EPS15: variants seen among roughly 807,000 people sequenced by gnomAD.
The protein encoded by EPS15 is epidermal growth factor receptor pathway substrate 15.
A neutral mutation model predicts 113.8 loss-of-function variants in EPS15; 72 were observed. That is an observed-to-expected ratio of 0.63 (90% confidence interval 0.52 to 0.77). The LOEUF is 0.77. Among genes scored for constraint, EPS15 ranks in the 30% least tolerant of loss-of-function variants. The pLI is 0.00. For synonymous variants in EPS15, 344 were observed against 363.4 expected (o/e 0.95, Z 0.61); for missense variants, 1,048 against 1,045.8 (o/e 1.00, Z -0.03).
intron 2 of EPS15, among the ~76,000 whole-genome samples, chr1:51,479,173 T>C (rs536587563): frequency 2.4e-4 from 37 of 152,352 alleles, no homozygotes; most frequent in African/African-American, 8.4e-4. Context: ...CTCTTTTTTC[T>C]CTAAACTTCT....
At chr1:51,359,516 T>C (rs1019022718) in intron 24 of EPS15, among the ~76,000 whole-genome samples, 1 of 150,926 alleles carries the variant, frequency 6.6e-6, no homozygotes, top group African/African-American at 2.4e-5. Flanking sequence ...TCCCAACACT[T>C]TGAGAGGCTG....
At chr1:51,407,353 A>G (rs1212422955) in intron 15 of EPS15, among the ~76,000 whole-genome samples, 1 of 152,110 alleles carries the variant, frequency 6.6e-6, no homozygotes, top group African/African-American at 2.4e-5. Flanking sequence ...AGGTACCACC[A>G]TGCCCAGTTA....
intron 12 of EPS15, among the ~76,000 whole-genome samples, chr1:51,432,969 A>C (rs1292380795): frequency 6.6e-6 from 1 of 152,238 alleles, no homozygotes; most frequent in East Asian, 1.9e-4. Flanking sequence ...ATCATAAGCA[A>C]AAGAGCTCCA....
chr1:51,446,174 CA>C (rs1354237773), intron 10 of EPS15, among the ~76,000 whole-genome samples: 1 of 152,150 alleles, frequency 6.6e-6, no homozygotes, highest in Non-Finnish European at 1.5e-5. Context: ...TGGCGGCAGA[CA>C]AACTATAAAG....
intron 24 of EPS15, among the ~76,000 whole-genome samples, chr1:51,358,230 G>T (rs986173871): frequency 5.3e-5 from 8 of 152,112 alleles, no homozygotes; most frequent in Non-Finnish European, 1.0e-4. Flanking sequence ...AGTTGAGGCT[G>T]CAGTGAGCTG....
At chr1:51,495,447 A>G (rs1644309283) in intron 1 of EPS15, among the ~76,000 whole-genome samples, 1 of 151,958 alleles carries the variant, frequency 6.6e-6, no homozygotes, top group South Asian at 2.1e-4. Flanking sequence ...GAAATATAAA[A>G]GAATAACCAA....
chr1:51,384,395 G>A (rs567692400), intron 21 of EPS15, among the ~76,000 whole-genome samples: 10 of 145,622 alleles, frequency 6.9e-5, no homozygotes, highest in Middle Eastern at 3.7e-3. Context: ...CTGCCTCCTC[G>A]GCTCAAGTGA....
intron 21 of EPS15, among the ~76,000 whole-genome samples, chr1:51,379,870 T>C (rs1309120936): frequency 6.6e-6 from 1 of 152,120 alleles, no homozygotes; most frequent in African/African-American, 2.4e-5. Context: ...AAGACCAGCC[T>C]GGCAAACACG....
chr1:51,417,949 A>T (rs1057456350), intron 13 of EPS15, among the ~76,000 whole-genome samples: 1 of 152,212 alleles, frequency 6.6e-6, no homozygotes, highest in Admixed American at 6.5e-5. Context: ...AGATTCCCAC[A>T]TCTGAGAGTC....
intron 16 of EPS15, 132 bp downstream of exon 16, chr1:51,405,773 T>C: frequency 1.4e-6 from 1 of 719,792 alleles, no homozygotes; most frequent in East Asian, 2.6e-5. Flanking sequence ...TAGGACTCTC[T>C]GCTTCTAAAA....
At chr1:51,373,859 G>C (rs1251207596) in intron 21 of EPS15, among the ~76,000 whole-genome samples, 1 of 152,142 alleles carries the variant, frequency 6.6e-6, no homozygotes, top group East Asian at 1.9e-4. Context: ...GCTGAGGCAG[G>C]AGAATCACTT....
chr1:51,363,088 A>G (rs955860691), intron 23 of EPS15, among the ~76,000 whole-genome samples: 1 of 152,114 alleles, frequency 6.6e-6, no homozygotes, highest in Non-Finnish European at 1.5e-5. Flanking sequence ...ACTTGAGGTC[A>G]GGAGGTAGAG....
At chr1:51,501,089 G>A (rs1340365507) in intron 1 of EPS15, among the ~76,000 whole-genome samples, 1 of 152,022 alleles carries the variant, frequency 6.6e-6, no homozygotes, top group East Asian at 1.9e-4. Context: ...TAGTCTTTGT[G>A]AAAATTACAT....
intron 21 of EPS15, among the ~76,000 whole-genome samples, chr1:51,380,145 A>C (rs1570136241): frequency 6.6e-6 from 1 of 151,854 alleles, no homozygotes; most frequent in Admixed American, 6.6e-5. Flanking sequence ...AATCGCCTGA[A>C]CCCAGGAGGC....
chr1:51,397,791 T>C (rs898889210), intron 20 of EPS15, among the ~76,000 whole-genome samples: 1 of 152,208 alleles, frequency 6.6e-6, no homozygotes, highest in Non-Finnish European at 1.5e-5. Flanking sequence ...AAAGGAAATA[T>C]TCTTAATCTA....
At chr1:51,406,431 C>T (rs1649137503) in intron 15 of EPS15, among the ~76,000 whole-genome samples, 1 of 152,146 alleles carries the variant, frequency 6.6e-6, no homozygotes, top group Non-Finnish European at 1.5e-5. Flanking sequence ...GCCATGATCA[C>T]ACCACTGCAC....
intron 5 of EPS15, among the ~76,000 whole-genome samples, chr1:51,465,683 C>A (rs923856422): frequency 1.3e-5 from 2 of 152,020 alleles, no homozygotes; most frequent in African/African-American, 4.8e-5. Flanking sequence ...CAGGAATGCA[C>A]CACCACACCC....
At chr1:51,415,854 A>G (rs187221990) in intron 13 of EPS15, among the ~76,000 whole-genome samples, 1 of 151,546 alleles carries the variant, frequency 6.6e-6, no homozygotes, top group Admixed American at 6.6e-5. Flanking sequence ...ACTACATACA[A>G]AAAGGCCTTC....
chr1:51,514,952 T>C (rs1195199177), intron 1 of EPS15, among the ~76,000 whole-genome samples: 3 of 152,236 alleles, frequency 2.0e-5, no homozygotes, highest in Non-Finnish European at 4.4e-5. Context: ...ATCACTTTTC[T>C]GCTTCTGAGA....
Sources: gnomAD v4.1 joint callset for allele counts (sites outside exome capture counted in the v4.1 genomes callset) on GRCh38, gnomAD v4.1.1 for gene constraint, MANE v1.5 for transcripts, NCBI Gene and HGNC (gene_info 2026-07-23, HGNC 2026-07-21) for gene names.